SCHIP1: variants seen among roughly 807,000 people sequenced by gnomAD.
The protein encoded by SCHIP1 is schwannomin-interacting protein 1.
A neutral mutation model predicts 29.7 loss-of-function variants in SCHIP1; 8 were observed. The ratio of observed to expected loss-of-function variants is 0.27; its 90% CI spans 0.16 to 0.49. SCHIP1 has a LOEUF of 0.49. Ranked by LOEUF, SCHIP1 falls within the 20% of genes least tolerant of loss-of-function variation. The probability of loss-of-function intolerance (pLI) is 0.99; values close to 1 mark genes in which losing one functional copy is unlikely to be tolerated. For missense variants in SCHIP1, 193 were observed against 294.6 expected (o/e 0.66, Z 2.52); for synonymous variants, 76 against 94.9 (o/e 0.80, Z 1.16).
At chr3:159,380,421 C>T in the SCHIP1 span, among the ~76,000 whole-genome samples, 1 of 152,078 alleles carries the variant, frequency 6.6e-6, no homozygotes, top group African/African-American at 2.4e-5. Flanking sequence ...GATATGTAGG[C>T]CACCCAAATT....
At chr3:159,509,142 C>G in the SCHIP1 span, among the ~76,000 whole-genome samples, 1 of 152,128 alleles carries the variant, frequency 6.6e-6, no homozygotes, top group African/African-American at 2.4e-5. Flanking sequence ...CTTTATGAAC[C>G]TTGGTGCTCC....
chr3:159,539,245 A>G, the SCHIP1 span, among the ~76,000 whole-genome samples: 1 of 139,254 alleles, frequency 7.2e-6, no homozygotes, highest in Non-Finnish European at 1.6e-5. Flanking sequence ...ATCAATTTTC[A>G]AAGAACTTAG....
At chr3:159,491,542 C>T in the SCHIP1 span, among the ~76,000 whole-genome samples, 2 of 152,200 alleles carry the variant, frequency 1.3e-5, no homozygotes, top group African/African-American at 2.4e-5. Flanking sequence ...TGCAAGGTGA[C>T]AGCGAGGCTG....
chr3:159,596,716 G>T, the SCHIP1 span, among the ~76,000 whole-genome samples: 1 of 151,802 alleles, frequency 6.6e-6, no homozygotes, highest in Admixed American at 6.6e-5. Context: ...ACCAAACACT[G>T]CAGGTTCTCA....
At chr3:159,586,635 C>G in the SCHIP1 span, among the ~76,000 whole-genome samples, 6 of 152,096 alleles carry the variant, frequency 3.9e-5, no homozygotes. Flanking sequence ...TCCGTGTCAC[C>G]CAGGATGATT....
chr3:159,615,004 A>AGGATGTG, the SCHIP1 span, among the ~76,000 whole-genome samples: 2 of 152,218 alleles, frequency 1.3e-5, no homozygotes, highest in African/African-American at 4.8e-5. Context: ...AGGTTCAGTG[A>AGGATGTG]GGATGTGAAA....
At chr3:159,644,869 TAA>T in the SCHIP1 span, among the ~76,000 whole-genome samples, 93 of 152,140 alleles carry the variant, frequency 6.1e-4, 5 homozygotes, top group South Asian at 0.019. Flanking sequence ...TTTGGGGGAA[TAA>T]AAACTAAAGT....
chr3:159,414,524 A>G, the SCHIP1 span, among the ~76,000 whole-genome samples: 1 of 152,182 alleles, frequency 6.6e-6, no homozygotes, highest in Non-Finnish European at 1.5e-5. Flanking sequence ...TTAATTATAT[A>G]TTCACAATTT....
intron 2 of SCHIP1, among the ~76,000 whole-genome samples, chr3:159,884,474 C>A (rs33054): frequency 0.75 from 113,656 of 151,712 alleles, 43,836 homozygotes; most frequent in East Asian, 0.99. Context: ...CCTAATAGAC[C>A]ATGTGTTGTC....
intron 1 of SCHIP1, among the ~76,000 whole-genome samples, chr3:159,862,878 T>C (rs1026055355): frequency 1.3e-5 from 2 of 152,198 alleles, no homozygotes; most frequent in Non-Finnish European, 2.9e-5. Context: ...AGCTGCACCC[T>C]CTTACATTGC....
At chr3:159,882,857 G>C (rs1463031152) in intron 2 of SCHIP1, among the ~76,000 whole-genome samples, 1 of 152,174 alleles carries the variant, frequency 6.6e-6, no homozygotes, top group Non-Finnish European at 1.5e-5. Context: ...CGTGGTTGCT[G>C]TGCAGCCTCC....
At chr3:159,579,314 A>T in the SCHIP1 span, among the ~76,000 whole-genome samples, 1 of 152,174 alleles carries the variant, frequency 6.6e-6, no homozygotes. Flanking sequence ...AGGGGTAATG[A>T]ATTTAAACGA....
the SCHIP1 span, among the ~76,000 whole-genome samples, chr3:159,649,302 C>G: frequency 2.0e-5 from 3 of 152,100 alleles, no homozygotes; most frequent in Non-Finnish European, 4.4e-5. Context: ...CTCTCTACCC[C>G]AAAAGTGCTC....
chr3:159,893,925 C>G (rs1272658391), intron 6 of SCHIP1: 1 of 152,156 alleles, frequency 6.6e-6, no homozygotes, highest in Non-Finnish European at 1.5e-5. Context: ...TTAAACATCC[C>G]TAAAGGCAGC....
At chr3:159,626,289 TAGATAGATAGA>T in the SCHIP1 span, among the ~76,000 whole-genome samples, 240 of 146,182 alleles carry the variant, frequency 1.6e-3, 2 homozygotes, top group African/African-American at 6.0e-3. Context: ...GATAGATAGA[TAGATAGATAGA>T]TTTTTTTTTA....
chr3:159,598,915 T>C, the SCHIP1 span, among the ~76,000 whole-genome samples: 38 of 152,270 alleles, frequency 2.5e-4, 1 homozygote, highest in East Asian at 7.3e-3. Flanking sequence ...TATATCCTTT[T>C]CCTGGATTGC....
the SCHIP1 span, among the ~76,000 whole-genome samples, chr3:159,509,525 T>G: frequency 2.6e-5 from 4 of 152,198 alleles, no homozygotes; most frequent in African/African-American, 9.6e-5. Flanking sequence ...GTTAGCTGGT[T>G]ATTTTGCTCG....
chr3:159,835,990 T>TA (rs902695662), upstream of SCHIP1, among the ~76,000 whole-genome samples: 26 of 152,342 alleles, frequency 1.7e-4, no homozygotes, highest in African/African-American at 5.5e-4. Context: ...TTTCTTCCCT[T>TA]AAAACATACC....
the SCHIP1 span, among the ~76,000 whole-genome samples, chr3:159,361,648 C>A: frequency 1.1e-4 from 17 of 152,262 alleles, no homozygotes; most frequent in East Asian, 2.3e-3. Flanking sequence ...GGGGGCAATG[C>A]AGATGCAGGG....
Sources: gnomAD v4.1 joint callset for allele counts (sites outside exome capture counted in the v4.1 genomes callset) on GRCh38, gnomAD v4.1.1 for gene constraint, MANE v1.5 for transcripts, NCBI Gene and HGNC (gene_info 2026-07-23, HGNC 2026-07-21) for gene names.